Variants in OSBPL6 observed in about 807,000 individuals in gnomAD.
OSBPL6 encodes the protein oxysterol binding protein like 6.
A neutral mutation model predicts 125.8 loss-of-function variants in OSBPL6; 49 were observed. The observed-to-expected ratio is 0.39, with a 90% CI of 0.31 to 0.49. The LOEUF is 0.49. Ranked by LOEUF, OSBPL6 falls within the 20% of genes least tolerant of loss-of-function variation. The pLI is 0.88. For missense variants in OSBPL6, 986 were observed against 1,135.4 expected (o/e 0.87, Z 1.89); for synonymous variants, 394 against 391.8 (o/e 1.01, Z -0.07).
chr2:178,249,024 C>T (rs561251888), intron 1 of OSBPL6, among the ~76,000 whole-genome samples: 1 of 152,236 alleles, frequency 6.6e-6, no homozygotes, highest in African/African-American at 2.4e-5. Context: ...GCAACCTCCA[C>T]CTCCCCGGTT....
At chr2:178,222,470 C>T (rs1195508974) in intron 1 of OSBPL6, among the ~76,000 whole-genome samples, 5 of 152,106 alleles carry the variant, frequency 3.3e-5, no homozygotes, top group East Asian at 1.9e-4. Flanking sequence ...GGTGAAACCC[C>T]GTCTCTACTA....
intron 1 of OSBPL6, among the ~76,000 whole-genome samples, chr2:178,229,667 C>T (rs746359207): frequency 1.1e-4 from 17 of 152,016 alleles, no homozygotes; most frequent in Admixed American, 2.0e-4. Flanking sequence ...TCATCTCTAC[C>T]GAACACATAA....
At chr2:178,291,665 TCTTCCTTCCTTCCTTC>T (rs71023439) in intron 2 of OSBPL6, among the ~76,000 whole-genome samples, 9 of 135,504 alleles carry the variant, frequency 6.6e-5, no homozygotes, top group Middle Eastern at 3.8e-3. Flanking sequence ...ACAGGTAGTC[TCTTCCTTCCTTCCTTC>T]CTTCCTTCCT....
At chr2:178,301,941 A>G (rs1308402154) in intron 2 of OSBPL6, among the ~76,000 whole-genome samples, 2 of 152,120 alleles carry the variant, frequency 1.3e-5, no homozygotes, top group Non-Finnish European at 2.9e-5. Flanking sequence ...GCCCTAACCT[A>G]CTGGTGCCTT....
intron 5 of OSBPL6, among the ~76,000 whole-genome samples, chr2:178,329,801 C>T (rs1006843431): frequency 1.4e-4 from 22 of 152,276 alleles, no homozygotes; most frequent in African/African-American, 3.4e-4. Flanking sequence ...CACATCTGCA[C>T]GTGGATTTCA....
At chr2:178,327,974 GTACAGGCAATCGAATTTCCATCC>G (rs1236132259) in intron 4 of OSBPL6, among the ~76,000 whole-genome samples, 1 of 152,162 alleles carries the variant, frequency 6.6e-6, no homozygotes, top group African/African-American at 2.4e-5. Context: ...AACATTCTGA[GTACAGGCAATCGAATTTCCATCC>G]TACCCCAAAC....
intron 14 of OSBPL6, among the ~76,000 whole-genome samples, chr2:178,373,081 A>G (rs1693550819): frequency 6.6e-6 from 1 of 152,212 alleles, no homozygotes. Flanking sequence ...CTAGAAATCT[A>G]TAGGTACAAG....
At chr2:178,357,111 G>A (rs180822632) in intron 12 of OSBPL6, among the ~76,000 whole-genome samples, 2 of 152,270 alleles carry the variant, frequency 1.3e-5, no homozygotes, top group East Asian at 1.9e-4. Flanking sequence ...AGACTTAAAC[G>A]TTAGACCTAA....
At chr2:178,333,589 TA>T in intron 8 of OSBPL6, among the ~76,000 whole-genome samples, 1 of 152,310 alleles carries the variant, frequency 6.6e-6, no homozygotes, top group Non-Finnish European at 1.5e-5. Flanking sequence ...TTTTCCCTTT[TA>T]TGAACGGACT....
At chr2:178,247,414 T>A (rs1574620049) in intron 1 of OSBPL6, among the ~76,000 whole-genome samples, 1 of 151,282 alleles carries the variant, frequency 6.6e-6, no homozygotes, top group Non-Finnish European at 1.5e-5. Context: ...GCAGGGAGAG[T>A]TTTCAGCAGC....
chr2:178,267,471 A>G (rs1376093059), intron 1 of OSBPL6, among the ~76,000 whole-genome samples: 1 of 151,908 alleles, frequency 6.6e-6, no homozygotes, highest in Non-Finnish European at 1.5e-5. Flanking sequence ...AAGCTCTATT[A>G]TAGGATGAAA....
intron 1 of OSBPL6, among the ~76,000 whole-genome samples, chr2:178,267,353 CAAAAA>C (rs57444695): frequency 2.4e-5 from 2 of 81,756 alleles, no homozygotes; most frequent in Non-Finnish European, 4.6e-5. Flanking sequence ...AACTCCATCT[CAAAAA>C]AAAAAAAAAA....
chr2:178,264,107 C>G (rs1281682280), intron 1 of OSBPL6, among the ~76,000 whole-genome samples: 1 of 151,808 alleles, frequency 6.6e-6, no homozygotes, highest in Non-Finnish European at 1.5e-5. Flanking sequence ...ATGTCAATTG[C>G]TTTGTCCAGT....
intron 13 of OSBPL6, among the ~76,000 whole-genome samples, chr2:178,370,139 C>T (rs1693238985): frequency 6.6e-6 from 1 of 152,090 alleles, no homozygotes; most frequent in East Asian, 1.9e-4. Flanking sequence ...GTGGTGCATA[C>T]CTGTAATCCC....
At chr2:178,207,835 A>G (rs1253299806) in intron 1 of OSBPL6, among the ~76,000 whole-genome samples, 1 of 152,158 alleles carries the variant, frequency 6.6e-6, no homozygotes, top group Non-Finnish European at 1.5e-5. Flanking sequence ...AACTGGTTTG[A>G]AAAAGTCTAA....
chr2:178,369,313 A>C (rs1374729174), intron 13 of OSBPL6, among the ~76,000 whole-genome samples: 1 of 152,194 alleles, frequency 6.6e-6, no homozygotes, highest in African/African-American at 2.4e-5. Flanking sequence ...CAGAGAGCCA[A>C]ATACTGATGA....
chr2:178,219,736 A>G (rs1354699631), intron 1 of OSBPL6, among the ~76,000 whole-genome samples: 1 of 152,166 alleles, frequency 6.6e-6, no homozygotes, highest in Non-Finnish European at 1.5e-5. Flanking sequence ...TCCAAGACCC[A>G]TTTTATATTC....
intron 11 of OSBPL6, among the ~76,000 whole-genome samples, chr2:178,346,882 T>A (rs1690771692): frequency 6.6e-6 from 1 of 152,172 alleles, no homozygotes; most frequent in South Asian, 2.1e-4. Flanking sequence ...AAAAAAAGTA[T>A]ACCAATATAT....
intron 5 of OSBPL6, among the ~76,000 whole-genome samples, chr2:178,330,062 T>C (rs1689063198): frequency 6.6e-6 from 1 of 152,190 alleles, no homozygotes; most frequent in Admixed American, 6.5e-5. Flanking sequence ...CTCACTGTCG[T>C]TCTTCCTGAG....
Sources: allele counts gnomAD v4.1 joint callset (sites outside exome capture counted in the v4.1 genomes callset), GRCh38; gene constraint gnomAD v4.1.1; transcripts MANE v1.5; gene names NCBI Gene and HGNC (gene_info 2026-07-23, HGNC 2026-07-21).